MDGA1: variants seen among roughly 807,000 people sequenced by gnomAD.
MDGA1 encodes MAM domain-containing glycosylphosphatidylinositol anchor protein 1.
MDGA1 carries 54 observed loss-of-function variants against 101.5 expected under a neutral mutation model. The observed-to-expected ratio is 0.53, with a 90% confidence interval of 0.43 to 0.67. The LOEUF (loss-of-function observed/expected upper bound fraction) is 0.67, where lower values mean the gene tolerates loss of function less well. MDGA1 is among the 30% of genes least tolerant of loss of function. The pLI, the probability that MDGA1 is intolerant of heterozygous loss-of-function variation, is 0.00. For missense variants in MDGA1, 1,083 were observed against 1,323.8 expected (o/e 0.82, Z 2.82); for synonymous variants, 533 against 558.3 (o/e 0.95, Z 0.64).
chr6:37,678,598 C>G (rs571237370), intron 1 of MDGA1, among the ~76,000 whole-genome samples: 1 of 152,120 alleles, frequency 6.6e-6, no homozygotes, highest in Non-Finnish European at 1.5e-5. Context: ...ACTGCCCTCC[C>G]CACTCCAGCC....
At chr6:37,676,062 C>T (rs1389076129) in intron 1 of MDGA1, among the ~76,000 whole-genome samples, 1 of 152,204 alleles carries the variant, frequency 6.6e-6, no homozygotes, top group Non-Finnish European at 1.5e-5. Context: ...GAATGCCCTG[C>T]GCATAGTGCA....
At chr6:37,649,460 C>A (rs1253359668) in intron 8 of MDGA1, among the ~76,000 whole-genome samples, 194 bp from the exon 9 acceptor site, 2 of 152,238 alleles carry the variant, frequency 1.3e-5, no homozygotes, top group African/African-American at 4.8e-5. Context: ...TACCCACTCC[C>A]TCCTGGCCAT....
intron 1 of MDGA1, among the ~76,000 whole-genome samples, chr6:37,671,724 T>C (rs542594480): frequency 6.6e-6 from 1 of 152,212 alleles, no homozygotes; most frequent in Admixed American, 6.5e-5. Flanking sequence ...GGGAATTTCA[T>C]CAAAGACCCC....
chr6:37,686,779 G>C (rs961596241), intron 1 of MDGA1, among the ~76,000 whole-genome samples: 1 of 152,120 alleles, frequency 6.6e-6, no homozygotes, highest in Admixed American at 6.5e-5. Context: ...AGCCAAGTTT[G>C]AGAACCACCA....
chr6:37,663,884 T>TCTC, intron 2 of MDGA1, 83 bp downstream of exon 2: 1 of 1,508,956 alleles, frequency 6.6e-7, no homozygotes, highest in Non-Finnish European at 9.1e-7. Context: ...TGAGTCCTCA[T>TCTC]CTCCTGCTGC....
intron 1 of MDGA1, among the ~76,000 whole-genome samples, chr6:37,676,902 G>GAAAA (rs564072339): frequency 6.4e-4 from 46 of 71,480 alleles, no homozygotes; most frequent in Middle Eastern, 0.016. Flanking sequence ...CATCTCAACA[G>GAAAA]AAAAAAAAAA....
At chr6:37,685,392 T>G in intron 1 of MDGA1, among the ~76,000 whole-genome samples, 1 of 152,108 alleles carries the variant, frequency 6.6e-6, no homozygotes. Flanking sequence ...TTCTTTCTGA[T>G]AAGTTGTTAC....
chr6:37,671,941 G>C (rs1220789982), intron 1 of MDGA1, among the ~76,000 whole-genome samples: 1 of 152,162 alleles, frequency 6.6e-6, no homozygotes, highest in Non-Finnish European at 1.5e-5. Context: ...AGGAGTTCGA[G>C]ACCAGCCTGG....
chr6:37,679,563 C>G (rs558668663), intron 1 of MDGA1, among the ~76,000 whole-genome samples: 1 of 152,310 alleles, frequency 6.6e-6, no homozygotes, highest in African/African-American at 2.4e-5. Context: ...TTCCCTCTCT[C>G]TCCCGATATT....
chr6:37,691,992 C>A (rs1015727505), intron 1 of MDGA1, among the ~76,000 whole-genome samples: 1 of 152,196 alleles, frequency 6.6e-6, no homozygotes, highest in Admixed American at 6.5e-5. Context: ...ACAGCAAGTG[C>A]GGCTTTGGCT....
At chr6:37,661,356 G>A (rs947815171) in intron 2 of MDGA1, among the ~76,000 whole-genome samples, 12 of 152,150 alleles carry the variant, frequency 7.9e-5, no homozygotes, top group Non-Finnish European at 1.8e-4. Context: ...CTCACAGCTT[G>A]TTTGGAGTGA....
rs754226263 is a variant in MDGA1 at position 37,655,814 on chromosome 6, C to T, written c.465G>A (p.Leu155=). The part of the protein sequence containing the change: ...GNFYQEKTVF[L]RCTVNSNPPA... ...GCGGGTTGGAGTTGACAGTACAGCG[C>T]AGGAACACCGTCTTCTCCTGGTAGA... The change falls in exon 4 of 17, where the codon CTG becomes CTA. Residue 155 remains leucine (L), a synonymous_variant. Transcript: ENST00000434837. This position sits in a 1 kb window ranked among gnomAD's most constrained non-coding sequence, Gnocchi z 5.1. The T allele has an allele frequency of 2.5e-6, 4 of 1,613,726 alleles. No homozygotes were observed. Among genetic ancestry groups the T allele is most frequent in the Non-Finnish European group, 3.4e-6 (4 of 1,179,784 alleles).
chr6:37,645,865 T>G, intron 12 of MDGA1, 68 bp downstream of exon 12: 1 of 1,561,700 alleles, frequency 6.4e-7, no homozygotes, highest in Non-Finnish European at 8.8e-7. Context: ...CTATCTCCTT[T>G]CTCTCACCAG....
At chr6:37,640,963 C>T (rs1764061005) in intron 14 of MDGA1, among the ~76,000 whole-genome samples, 1 of 152,152 alleles carries the variant, frequency 6.6e-6, no homozygotes, top group Non-Finnish European at 1.5e-5. Context: ...CTGGCACAGC[C>T]TCTCAAGGTC....
At chr6:37,654,156 T>C in intron 6 of MDGA1, 118 bp downstream of exon 6, 3 of 1,194,318 alleles carry the variant, frequency 2.5e-6, no homozygotes, top group Non-Finnish European at 2.3e-6. Context: ...ATCCTCTGCA[T>C]GACTCATCTA....
At chr6:37,654,647 G>A (rs1761441136) in intron 5 of MDGA1, 104 bp from the exon 6 acceptor site, 3 of 1,560,228 alleles carry the variant, frequency 1.9e-6, no homozygotes, top group Non-Finnish European at 2.6e-6. Flanking sequence ...AGCCCTCAGG[G>A]GAGATGAGAG....
chr6:37,662,784 C>G (rs1451324925), intron 2 of MDGA1, among the ~76,000 whole-genome samples: 1 of 152,160 alleles, frequency 6.6e-6, no homozygotes, highest in Non-Finnish European at 1.5e-5. Flanking sequence ...CACATACACA[C>G]AGCCACAATC....
At position 37,694,023 on chromosome 6, in the gene MDGA1, C is replaced by T. The variant is rs528136526; in HGVS notation, c.67+2722G>A. On this transcript the variant is annotated intron_variant, in intron 1 of 16. Coordinates refer to ENST00000434837, the MANE Select transcript of MDGA1 (RefSeq NM_153487.4). ...CTCAGCAGAGACACACAGCCTAGGC[C>T]GAATGCCGTCAGGTTCGCTCTCCAC... Among the ~76,000 whole-genome samples the T allele has an allele frequency of 6.6e-5, 10 of 152,304 alleles. No individual in the cohort carries two copies. The East Asian group carries it at 1.7e-3, about 26-fold the overall frequency.
intron 1 of MDGA1, among the ~76,000 whole-genome samples, chr6:37,679,367 G>A (rs1005135704): frequency 6.6e-6 from 1 of 152,148 alleles, no homozygotes; most frequent in African/African-American, 2.4e-5. Flanking sequence ...CTGCCCCTTG[G>A]GAGGAAAATG....
Sources: gnomAD v4.1 joint callset for allele counts (sites outside exome capture counted in the v4.1 genomes callset) on GRCh38, gnomAD v4.1.1 for gene constraint, Gnocchi (gnomAD v3.1) non-coding constraint, MANE v1.5 for transcripts, NCBI Gene and HGNC (gene_info 2026-07-23, HGNC 2026-07-21) for gene names.